The following LIMS2 variants were observed in gnomAD, a reference collection of about 807,000 sequenced individuals.
LIMS2 encodes the protein LIM zinc finger domain containing 2.
Under a neutral mutation model 45.3 loss-of-function variants are expected in LIMS2, and 30 were observed. The ratio of observed to expected loss-of-function variants is 0.66; its 90% CI spans 0.50 to 0.90. LIMS2 has a LOEUF of 0.90. LIMS2 is among the 40% of genes least tolerant of loss of function. The pLI is 0.00. For missense variants in LIMS2, 485 were observed against 468.7 expected, an observed-to-expected ratio of 1.03 and a Z score of -0.32; for synonymous variants, 173 against 188.0, an observed-to-expected ratio of 0.92 and a Z score of 0.65.
rs369473504 is a variant in LIMS2 at position 127,660,089 on chromosome 2, C to G, written c.12-2527G>C. ...GCTGGGCTTCTGGTTGGGGTGGGGA[C>G]TTGGAGAACTTTTCTGTCTAGCCAA... On this transcript the variant is annotated intron_variant, in intron 1 of 9. Coordinates refer to ENST00000355119, the MANE Select transcript of LIMS2 (RefSeq NM_001161403.3). Among the ~76,000 whole-genome samples, 117 of 152,336 alleles carry G rather than the reference C, an allele frequency of 7.7e-4. 2 individuals carry two copies. In the South Asian group the frequency reaches 0.023, roughly 30 times the overall value.
upstream of LIMS2, among the ~76,000 whole-genome samples, chr2:127,676,035 G>A (rs185583390): frequency 9.1e-4 from 138 of 152,324 alleles, no homozygotes; most frequent in African/African-American, 3.0e-3. Flanking sequence ...AAGATGGAGG[G>A]GTAATATAAA....
intron 1 of LIMS2, among the ~76,000 whole-genome samples, chr2:127,660,646 C>CA (rs1278373960): frequency 6.6e-6 from 1 of 152,110 alleles, no homozygotes; most frequent in Admixed American, 6.5e-5. Context: ...AAACTCCAGA[C>CA]ATACAGTCTT....
At chr2:127,641,882 G>T in intron 6 of LIMS2, 167 bp downstream of exon 6, 1 of 754,300 alleles carries the variant, frequency 1.3e-6, no homozygotes, top group Non-Finnish European at 2.0e-6. Flanking sequence ...GGCAGGCTGG[G>T]GTCCCTGGCT....
chr2:127,669,017 A>G (rs1332842161), intron 1 of LIMS2, among the ~76,000 whole-genome samples: 2 of 152,094 alleles, frequency 1.3e-5, no homozygotes, highest in Admixed American at 6.6e-5. Flanking sequence ...ACCTGAGCCC[A>G]GGGAGGTTGA....
intron 2 of LIMS2, 37 bp downstream of exon 2, chr2:127,657,366 G>C (rs374270306): frequency 6.2e-7 from 1 of 1,612,968 alleles, no homozygotes; most frequent in Non-Finnish European, 8.5e-7. Context: ...GGCAGACTCC[G>C]AGCTGGGTCT....
rs1055744084 is a variant in LIMS2 at position 127,664,500 on chromosome 2, G to A, written c.12-6938C>T. On this transcript the variant is annotated intron_variant, in intron 1 of 9. Transcript: ENST00000355119. The surrounding 1 kb of genome is among the most constrained non-coding windows in gnomAD (Gnocchi z 5.5). ...CTGGGGCCAGACACCAAGACGGGAC[G>A]GGCGTGTGGGCGCCTCCCCCGCGCT... The A allele has an allele frequency of 1.4e-5, 16 of 1,157,228 alleles. No individual in the cohort carries two copies. In the South Asian group the frequency reaches 5.7e-4, roughly 41 times the overall value. The allele number at this position is 1,157,228 out of a possible 1,614,324, so 71.7% of individuals were successfully genotyped here.
rs778743970 is a variant in LIMS2, at chr2:127,671,275, C to T, written c.11+3739G>A. 1.1e-4 allele frequency among the ~76,000 whole-genome samples: 16 copies of T among 151,728 alleles called. No homozygotes were observed. Among genetic ancestry groups the T allele is most frequent in the East Asian group, 1.9e-4 (1 of 5,174 alleles). On this transcript the variant is annotated intron_variant, in intron 1 of 9. Coordinates refer to ENST00000355119, the MANE Select transcript of LIMS2 (RefSeq NM_001161403.3). This position sits in a 1 kb window ranked among gnomAD's most constrained non-coding sequence, Gnocchi z 4.1. ...TAAAACCCCATCTCCAATAAAAATA[C>T]AAAAAAAATTAGCCGGTTGTGGTGG...
intron 4 of LIMS2, chr2:127,643,509 G>T (rs1049061515): frequency 4.4e-6 from 2 of 456,922 alleles, no homozygotes; most frequent in Non-Finnish European, 8.8e-6. Context: ...TTCCTTCGGG[G>T]TTTGCCAGAT....
Position 127,642,705 on chromosome 2 carries a change from CCAAA to C in LIMS2, c.509+214_509+217del, listed in dbSNP as rs1682559678. 6.9e-6 allele frequency: 4 copies of C among 582,078 alleles called. No homozygotes were observed. The highest frequency in any genetic ancestry group is 3.1e-5 in the Admixed American group (1 of 31,840). 36.1% of individuals were successfully genotyped at this position (582,078 alleles called of 1,614,324 possible). A position where few individuals can be genotyped will look rare whatever the true frequency, so the allele number is the denominator to read the frequency against. Reference sequence around the variant, plus strand: ...CCGCCTCCTGAGTCTCAAGTGCCCCCCAAACAGAGCCCTGGAGAGAGAAGCTTCC... The same window carrying C: ...CCGCCTCCTGAGTCTCAAGTGCCCCCCAGAGCCCTGGAGAGAGAAGCTTCC... On this transcript the variant is annotated intron_variant, in intron 5 of 9. Coordinates refer to ENST00000355119, the MANE Select transcript of LIMS2 (RefSeq NM_001161403.3). The surrounding 1 kb of genome is among the most constrained non-coding windows in gnomAD (Gnocchi z 5.3).
chr2:127,647,975 AG>A lies in LIMS2; in HGVS notation c.360-4904del, dbSNP rs1333365574. The A allele has an allele frequency of 1.0e-6, 1 of 972,684 alleles. No individual in the cohort carries two copies. The highest frequency in any genetic ancestry group is 1.8e-5 in the African/African-American group (1 of 56,914). The allele number at this position is 972,684 out of a possible 1,614,324, so 60.3% of individuals were successfully genotyped here. A position where few individuals can be genotyped will look rare whatever the true frequency, so the allele number is the denominator to read the frequency against. On this transcript the variant is annotated intron_variant, in intron 4 of 9. Transcript: ENST00000355119. The surrounding 1 kb of genome is among the most constrained non-coding windows in gnomAD (Gnocchi z 4.3). ...ACCTCTCCTCCACAGCCCCCTTCAC[AG>A]CCCTCAGCCCTTCCCCAGGGCTTCA... is the stretch of plus-strand genomic sequence containing the variant.
chr2:127,656,206 C>A (rs1364888640), intron 2 of LIMS2: 4 of 152,164 alleles, frequency 2.6e-5, no homozygotes, highest in Non-Finnish European at 5.9e-5. Flanking sequence ...AATTTTTAAA[C>A]AATAACTCTG....
In LIMS2 at chr2:127,651,479, C is replaced by T. The variant is rs1215723808; in HGVS notation, c.359+2945G>A. 3.7e-6 allele frequency: 6 copies of T among 1,612,810 alleles called. No individual in the cohort carries two copies. The South Asian group carries it at 4.4e-5, about 12-fold the overall frequency. The stretch of plus-strand genomic sequence containing the variant: ...TGCTGGCCATCTTCCTGGTCTGCTT[C>T]GTGCCCTACCACGTCAACCGCTCCG... On this transcript the variant is annotated intron_variant, in intron 4 of 9. Coordinates refer to ENST00000355119, the MANE Select transcript of LIMS2 (RefSeq NM_001161403.3).
chr2:127,660,477 G>A (rs547157769), intron 1 of LIMS2, among the ~76,000 whole-genome samples: 23 of 152,250 alleles, frequency 1.5e-4, no homozygotes, highest in African/African-American at 5.1e-4. Flanking sequence ...ATGAACCGAC[G>A]GGGAGGAATC....
At position 127,642,901 on chromosome 2, in the gene LIMS2, C is replaced by T. The variant is rs1449153212; in HGVS notation, c.509+22G>A. The T allele has an allele frequency of 6.4e-7, 1 of 1,551,418 alleles. No individual in the cohort carries two copies. ...CCCTGGCTCCCCGCCCCCACAACTGCAGGGCCGGGCTGCGCACCTACCCAC... is the reference window on the plus strand; with the variant it reads ...CCCTGGCTCCCCGCCCCCACAACTGTAGGGCCGGGCTGCGCACCTACCCAC... On this transcript the variant is annotated intron_variant, in intron 5 of 9. Transcript: ENST00000355119. This position sits in a 1 kb window ranked among gnomAD's most constrained non-coding sequence, Gnocchi z 5.3.
rs958852862 is a variant in LIMS2 at position 127,671,890 on chromosome 2, T to TGCTGA, written c.11+3119_11+3123dup. On this transcript the variant is annotated intron_variant, in intron 1 of 9. Coordinates refer to ENST00000355119, the MANE Select transcript of LIMS2 (RefSeq NM_001161403.3). The surrounding 1 kb of genome is among the most constrained non-coding windows in gnomAD (Gnocchi z 4.1). ...GACGCCACTGCAGCCTCGTGTGCTG[T>TGCTGA]GCTGAGGGCTCTAGCTGCAGTCAGC... 2.0e-5 allele frequency among the ~76,000 whole-genome samples: 3 copies of TGCTGA among 152,228 alleles called. No individual in the cohort carries two copies. The highest frequency in any genetic ancestry group is 2.0e-4 in the Admixed American group (3 of 15,288).
At chr2:127,650,377 C>T in intron 4 of LIMS2, 1 of 533,032 alleles carries the variant, frequency 1.9e-6, no homozygotes, top group Non-Finnish European at 3.3e-6. Flanking sequence ...AACCCAGAGC[C>T]TCACCCAGGC....
intron 7 of LIMS2, 26 bp from the exon 8 acceptor site, chr2:127,640,344 T>C: frequency 6.2e-7 from 1 of 1,610,514 alleles, no homozygotes. Context: ...GCTGTCAGAG[T>C]AGCTGCAGGC....
intron 1 of LIMS2, among the ~76,000 whole-genome samples, chr2:127,666,237 C>T (rs1270246804): frequency 6.6e-6 from 1 of 151,756 alleles, no homozygotes; most frequent in Non-Finnish European, 1.5e-5. Flanking sequence ...GGAGTAAGGA[C>T]CTCCAGAAGT....
intron 4 of LIMS2, 32 bp from the exon 5 acceptor site, chr2:127,643,104 C>T: frequency 1.9e-6 from 3 of 1,544,942 alleles, no homozygotes; most frequent in Non-Finnish European, 1.7e-6. Flanking sequence ...GGGGCAGAGC[C>T]CCCACTCCCA....
Sources: allele counts gnomAD v4.1 joint callset (sites outside exome capture counted in the v4.1 genomes callset), GRCh38; gene constraint gnomAD v4.1.1; non-coding constraint Gnocchi (gnomAD v3.1); transcripts MANE v1.5; gene names NCBI Gene and HGNC (gene_info 2026-07-23, HGNC 2026-07-21).